PLCE1: variants seen among roughly 807,000 people sequenced by gnomAD.
PLCE1 encodes the protein phospholipase C epsilon 1, also known as 1-phosphatidylinositol 4,5-bisphosphate phosphodiesterase epsilon-1.
A neutral mutation model predicts 242.8 loss-of-function variants in PLCE1; 119 were observed. The observed-to-expected ratio is 0.49, with a 90% CI of 0.42 to 0.57. PLCE1 has a LOEUF of 0.57. Ranked by LOEUF, PLCE1 falls within the 20% of genes least tolerant of loss-of-function variation. PLCE1 has a pLI of 0.00. For missense variants in PLCE1, 2,441 were observed against 2,788.8 expected, an observed-to-expected ratio of 0.88 and a Z score of 2.81; for synonymous variants, 945 against 1,017.4, an observed-to-expected ratio of 0.93 and a Z score of 1.35.
rs906050136 is a variant in PLCE1 at position 94,171,458 on chromosome 10, C to T, written c.1771C>T (p.His591Tyr). The change falls in exon 4 of 33, where the codon CAC (histidine) becomes TAC (tyrosine). Residue 591 changes from histidine to tyrosine, a missense_variant. Transcript: ENST00000371380. ...ASILTTQNGE[H>Y]NALEDLVMRF... ...GATTCTTACCACTCAGAATGGAGAG[C>T]ACAATGCCCTTGAAGATCTGGTGAT... The T allele has an allele frequency of 6.2e-7, 1 of 1,614,158 alleles. No individual in the cohort carries two copies. Among genetic ancestry groups the T allele is most frequent in the Non-Finnish European group, 8.5e-7 (1 of 1,179,998 alleles).
chr10:94,324,855 T>C, intron 31 of PLCE1, 37 bp from the exon 32 acceptor site: 1 of 1,598,010 alleles, frequency 6.3e-7, no homozygotes. Context: ...AACCTGAGTT[T>C]AACCTAACAC....
At chr10:94,076,132 C>T (rs79233603) in intron 2 of PLCE1, among the ~76,000 whole-genome samples, 16 of 147,104 alleles carry the variant, frequency 1.1e-4, no homozygotes, top group East Asian at 6.0e-4. Flanking sequence ...TGTGTGCGTG[C>T]GTGTGTGTGT....
At position 94,319,864 on chromosome 10, in the gene PLCE1, CT is replaced by C. The variant is rs58610099; in HGVS notation, c.6343-2014del. ...GCTCTGAGGGAGGCTCAAAGGTGCT[CT>C]TTTTTTTTTTTTTTTTTTTTTTGAG... On this transcript the variant is annotated intron_variant, in intron 29 of 32. Coordinates refer to ENST00000371380, the MANE Select transcript of PLCE1 (RefSeq NM_016341.4). Among the ~76,000 whole-genome samples, 632 of 92,920 alleles carry C rather than the reference CT, an allele frequency of 6.8e-3. 1 individual carries two copies. Among genetic ancestry groups the C allele is most frequent in the African/African-American group, 9.0e-3 (241 of 26,760 alleles). 61.0% of individuals were successfully genotyped at this position (92,920 alleles called of 152,430 possible). A position where few individuals can be genotyped will look rare whatever the true frequency, so the allele number is the denominator to read the frequency against.
At chr10:94,058,154 A>G (rs767316798) in intron 2 of PLCE1, among the ~76,000 whole-genome samples, 2 of 152,172 alleles carry the variant, frequency 1.3e-5, no homozygotes, top group African/African-American at 4.8e-5. Context: ...TCAAAGAGAC[A>G]TTTTTTTAAA....
intron 1 of PLCE1, among the ~76,000 whole-genome samples, chr10:94,022,915 A>G (rs2061397147): frequency 6.6e-6 from 1 of 152,146 alleles, no homozygotes. Context: ...AAGACTAACT[A>G]TATGTCTTGG....
chr10:94,210,984 G>A (rs1032484550), intron 4 of PLCE1, among the ~76,000 whole-genome samples: 7 of 152,230 alleles, frequency 4.6e-5, no homozygotes, highest in African/African-American at 1.7e-4. Context: ...TGAAGCTAGA[G>A]GGGAAAAGTT....
At chr10:94,036,350 A>G (rs1351678550) in intron 2 of PLCE1, among the ~76,000 whole-genome samples, 5 of 152,150 alleles carry the variant, frequency 3.3e-5, no homozygotes, top group Non-Finnish European at 2.9e-5. Flanking sequence ...CTCAATCTAT[A>G]ATGAGGTAGT....
chr10:94,193,578 A>G (rs2048733235), intron 4 of PLCE1, among the ~76,000 whole-genome samples: 1 of 152,216 alleles, frequency 6.6e-6, no homozygotes, highest in African/African-American at 2.4e-5. Context: ...GTTCTTGTTT[A>G]TACAATGTGC....
intron 1 of PLCE1, among the ~76,000 whole-genome samples, chr10:94,007,491 G>T (rs2061060872): frequency 6.6e-6 from 1 of 151,790 alleles, no homozygotes; most frequent in African/African-American, 2.4e-5. Flanking sequence ...AGTTCTGCAG[G>T]ATGAAAAGAA....
rs1320948004 is a variant in PLCE1, at chr10:94,306,489, C to T, written c.5685C>T (p.Asp1895=). Residue 1895 remains aspartate, a synonymous_variant, in exon 26 of 33, where the codon GAC becomes GAT. Transcript: ENST00000371380. The surrounding 1 kb of genome is among the most constrained non-coding windows in gnomAD (Gnocchi z 5.7). Reference sequence around the variant, plus strand: ...TGGGAAGCCCGTGCATTGAAGTCGACGTCCTGGGCATGCCTCTGGACAGCT... The same window carrying T: ...TGGGAAGCCCGTGCATTGAAGTCGATGTCCTGGGCATGCCTCTGGACAGCT... ...NSMGSPCIEV[D]VLGMPLDSCH... 7.4e-6 allele frequency: 12 copies of T among 1,614,144 alleles called. No individual in the cohort carries two copies. Among genetic ancestry groups the T allele is most frequent in the African/African-American group, 1.3e-5 (1 of 75,046 alleles).
At chr10:94,318,821 G>A (rs71480900) in intron 29 of PLCE1, among the ~76,000 whole-genome samples, 20,918 of 152,180 alleles carry the variant, frequency 0.14, 1,592 homozygotes, top group Middle Eastern at 0.27. Flanking sequence ...AGCACTTTGG[G>A]AAGCCAAGGC....
rs144916420 is a variant in PLCE1, at chr10:94,101,659, A to C, written c.1207-30515A>C. 5.9e-3 allele frequency among the ~76,000 whole-genome samples: 892 copies of C among 152,338 alleles called. 2 individuals carry two copies. The highest frequency in any genetic ancestry group is 9.6e-3 in the Admixed American group (147 of 15,308). On this transcript the variant is annotated intron_variant, in intron 2 of 32. Coordinates refer to ENST00000371380, the MANE Select transcript of PLCE1 (RefSeq NM_016341.4). The stretch of plus-strand genomic sequence containing the variant: ...TAAATACAGGGCCAGTGGCTGGCAC[A>C]GGAAGATGTGCCGGAGTGATGGTGG...
chr10:94,297,590 T>TAAAAAAAAAAAAAA (rs71031568), intron 23 of PLCE1, among the ~76,000 whole-genome samples: 9 of 56,580 alleles, frequency 1.6e-4, no homozygotes, highest in East Asian at 1.1e-3. Flanking sequence ...TTTAAATTTG[T>TAAAAAAAAAAAAAA]AAAAAAAAAA....
chr10:94,235,783 G>T, intron 6 of PLCE1, 132 bp from the exon 7 acceptor site: 1 of 1,463,362 alleles, frequency 6.8e-7, no homozygotes, highest in Non-Finnish European at 9.1e-7. Flanking sequence ...TTTTCCTGGA[G>T]GCTCTTGTTT....
At chr10:94,204,055 G>A (rs75823674) in intron 4 of PLCE1, among the ~76,000 whole-genome samples, 3,005 of 151,818 alleles carry the variant, frequency 0.02, 102 homozygotes, top group African/African-American at 0.068. Flanking sequence ...ATGTCTCTTC[G>A]TATTTGCAAA....
At chr10:94,283,090 G>C (rs951191759) in intron 20 of PLCE1, 1 of 151,930 alleles carries the variant, frequency 6.6e-6, no homozygotes, top group African/African-American at 2.4e-5. Flanking sequence ...ATTTTAAAAG[G>C]TCATCATCAC....
intron 4 of PLCE1, among the ~76,000 whole-genome samples, chr10:94,196,506 C>T (rs1004785722): frequency 3.9e-5 from 6 of 152,090 alleles, no homozygotes; most frequent in African/African-American, 9.7e-5. Flanking sequence ...AGAGAGAGGG[C>T]CAGGCATGGT....
chr10:94,056,282 G>A (rs2043901140), intron 2 of PLCE1, among the ~76,000 whole-genome samples: 1 of 152,138 alleles, frequency 6.6e-6, no homozygotes, highest in African/African-American at 2.4e-5. Context: ...TTAGATAAGT[G>A]CTTTTCAGAT....
At chr10:94,024,742 G>A (rs2061428100) in intron 1 of PLCE1, among the ~76,000 whole-genome samples, 1 of 151,956 alleles carries the variant, frequency 6.6e-6, no homozygotes, top group Non-Finnish European at 1.5e-5. Context: ...CTATTCTTTA[G>A]AATTCCATTT....
Sources: gnomAD v4.1 joint callset for allele counts (sites outside exome capture counted in the v4.1 genomes callset) on GRCh38, gnomAD v4.1.1 for gene constraint, Gnocchi (gnomAD v3.1) non-coding constraint, MANE v1.5 for transcripts, NCBI Gene and HGNC (gene_info 2026-07-23, HGNC 2026-07-21) for gene names.